The following IST1 variants were observed in gnomAD, a reference collection of about 807,000 sequenced individuals.
IST1 encodes IST1 factor associated with ESCRT-III.
Under a neutral mutation model 37.0 loss-of-function variants are expected in IST1, and 23 were observed. The ratio of observed to expected loss-of-function variants is 0.62; its 90% CI spans 0.45 to 0.88. IST1 has a LOEUF of 0.88. Among genes scored for constraint, IST1 ranks in the 40% least tolerant of loss-of-function variants. IST1 has a pLI of 0.00. For missense variants in IST1, 488 were observed against 445.4 expected (o/e 1.10, Z -0.86); for synonymous variants, 180 against 161.7 (o/e 1.11, Z -0.86).
Position 71,930,069 on chromosome 16 carries a change from CT to C in IST1, c.*2260del, listed in dbSNP as rs745568338. 4 of 1,549,284 alleles carry C rather than the reference CT, an allele frequency of 2.6e-6. No homozygotes were observed. The highest frequency in any genetic ancestry group is 3.5e-6 in the Non-Finnish European group (4 of 1,146,188). On this transcript the variant is annotated 3_prime_UTR_variant, in exon 10 of 10. Coordinates refer to ENST00000378799, the MANE Select transcript of IST1 (RefSeq NM_001270975.2). ...TTACCTACCTTAAGCGACTTTCTTT[CT>C]TTTCCAAAGGCCATGAGAATGGCCG...
chr16:71,930,651 GTATT>G lies in IST1; in HGVS notation c.*2840_*2843del, dbSNP rs1208033099. 6.6e-6 allele frequency: 1 copy of G among 152,090 alleles called. No individual in the cohort carries two copies. The highest frequency in any genetic ancestry group is 2.4e-5 in the African/African-American group (1 of 41,350). 9.4% of individuals were successfully genotyped at this position (152,090 alleles called of 1,614,324 possible). ...TTGGCCACAGAAAACTGGCTTTTTA[GTATT>G]TTTTTTTTTCCATTGTCATTTTTAA... On this transcript the variant is annotated 3_prime_UTR_variant, in exon 10 of 10. Transcript: ENST00000378799.
At position 71,917,044 on chromosome 16, in the gene IST1, T is replaced by A. The variant is rs781199400; in HGVS notation, c.270-3T>A. The A allele has an allele frequency of 9.4e-6, 15 of 1,589,046 alleles. No individual in the cohort carries two copies. Among genetic ancestry groups the A allele is most frequent in the Non-Finnish European group, 1.3e-5 (15 of 1,167,440 alleles). On this transcript the variant is annotated splice_region_variant and splice_polypyrimidine_tract_variant and intron_variant, in intron 3 of 9. Transcript: ENST00000378799. ...TGTTATATTAATTTTTTTCCTTGAT[T>A]AGGGAACTAGATTCTGGTCTGGCTG...
intron 1 of IST1, among the ~76,000 whole-genome samples, chr16:71,906,226 A>G (rs1382153397): frequency 6.6e-6 from 1 of 151,188 alleles, no homozygotes; most frequent in African/African-American, 2.4e-5. Flanking sequence ...GATGGTCTCA[A>G]TCTCCTGACC....
At chr16:71,918,707 T>C (rs989694384) in intron 4 of IST1, among the ~76,000 whole-genome samples, 3 of 152,158 alleles carry the variant, frequency 2.0e-5, no homozygotes, top group African/African-American at 4.8e-5. Flanking sequence ...TGAGCCACCA[T>C]GTTGAGCCGT....
At chr16:71,913,830 C>T (rs961356389) in intron 1 of IST1, among the ~76,000 whole-genome samples, 4 of 151,898 alleles carry the variant, frequency 2.6e-5, no homozygotes, top group South Asian at 2.1e-4. Context: ...TTTTTGGATA[C>T]GGAGTTTCAC....
chr16:71,900,917 G>T (rs2037093969), intron 1 of IST1, among the ~76,000 whole-genome samples: 1 of 152,172 alleles, frequency 6.6e-6, no homozygotes, highest in Admixed American at 6.5e-5. Context: ...GTGAATGACA[G>T]TAAAGATGTT....
intron 9 of IST1, among the ~76,000 whole-genome samples, chr16:71,927,313 A>T (rs1359741814): frequency 2.0e-5 from 3 of 151,726 alleles, no homozygotes; most frequent in African/African-American, 7.3e-5. Context: ...ACCTGGTGAA[A>T]CCCTCTCTCT....
At chr16:71,903,421 C>T (rs2037153349) in intron 1 of IST1, among the ~76,000 whole-genome samples, 3 of 151,874 alleles carry the variant, frequency 2.0e-5, no homozygotes, top group Admixed American at 1.3e-4. Flanking sequence ...GAAGCTTTCT[C>T]TTTGACCTCC....
intron 8 of IST1, chr16:71,924,002 G>GTGGCATTTGCTA: frequency 2.5e-6 from 1 of 400,648 alleles, no homozygotes; most frequent in Non-Finnish European, 5.0e-6. Context: ...ACAAATTGGT[G>GTGGCATTTGCTA]TGGCATTTGC....
At chr16:71,906,271 G>C (rs1309170860) in intron 1 of IST1, among the ~76,000 whole-genome samples, 1 of 151,774 alleles carries the variant, frequency 6.6e-6, no homozygotes, top group Non-Finnish European at 1.5e-5. Flanking sequence ...CCAAAGTGCT[G>C]GGATTAGAGG....
rs1177148172 is a variant in IST1, at chr16:71,930,090, T to C, written c.*2277T>C. 4.5e-6 allele frequency: 7 copies of C among 1,551,538 alleles called. No homozygotes were observed. The African/African-American group carries it at 6.8e-5, about 15-fold the overall frequency. ...CTTTCTTTTCCAAAGGCCATGAGAATGGCCGAAACGAAAAGATTAATTACC... is the reference window on the plus strand; with the variant it reads ...CTTTCTTTTCCAAAGGCCATGAGAACGGCCGAAACGAAAAGATTAATTACC... On this transcript the variant is annotated 3_prime_UTR_variant, in exon 10 of 10. Coordinates refer to ENST00000378799, the MANE Select transcript of IST1 (RefSeq NM_001270975.2).
chr16:71,922,484 C>T lies in IST1; in HGVS notation c.563C>T (p.Pro188Leu). 1.2e-6 allele frequency: 2 copies of T among 1,614,056 alleles called. No homozygotes were observed. The highest frequency in any genetic ancestry group is 1.1e-5 in the South Asian group (1 of 91,074). Residue 188 changes from proline (P) to leucine (L), a missense_variant, in exon 7 of 10, where the codon CCT (proline) becomes CTT (leucine). By Grantham distance (98) the Pro-to-Leu change is moderately conservative. This residue lies in a region of IST1 where 455 missense variants were observed against 386.2 expected (regional missense o/e 1.18). Transcript: ENST00000378799. ...CTCTTTTTTTCTCAGGCAGAAGCTC[C>T]TCCTGGGGTAGAGACAGATCTTATT... Reference protein sequence around the residue: ...EPDSVVMAEAPPGVETDLIDV... With the variant: ...EPDSVVMAEALPGVETDLIDV...
chr16:71,930,242 A>G lies in IST1; in HGVS notation c.*2429A>G, dbSNP rs1045630132. 5 of 1,465,482 alleles carry G rather than the reference A, an allele frequency of 3.4e-6. No homozygotes were observed. The highest frequency in any genetic ancestry group is 3.6e-6 in the Non-Finnish European group (4 of 1,099,646). 90.8% of individuals were successfully genotyped at this position (1,465,482 alleles called of 1,614,324 possible). On this transcript the variant is annotated 3_prime_UTR_variant, in exon 10 of 10. Coordinates refer to ENST00000378799, the MANE Select transcript of IST1 (RefSeq NM_001270975.2). ...ACAATTTAGTTTATACTTTACAAAC[A>G]TAAGCTATATGCTAGTGTTTGGGAT... is the stretch of plus-strand genomic sequence containing the variant.
At chr16:71,924,176 G>A (rs1321987693) in intron 8 of IST1, 4 of 455,824 alleles carry the variant, frequency 8.8e-6, no homozygotes, top group Admixed American at 2.4e-5. Flanking sequence ...GTAGGAATGA[G>A]GTCGAAAATC....
At chr16:71,924,646 C>A (rs933068849) in intron 8 of IST1, 123 bp from the exon 9 acceptor site, 2 of 752,076 alleles carry the variant, frequency 2.7e-6, no homozygotes, top group African/African-American at 3.5e-5. Context: ...GGGGCAGTTT[C>A]TTTGGAACAG....
intron 1 of IST1, among the ~76,000 whole-genome samples, chr16:71,908,104 A>G (rs1025133320): frequency 6.7e-6 from 1 of 148,250 alleles, no homozygotes; most frequent in Non-Finnish European, 1.5e-5. Flanking sequence ...CCACCACACC[A>G]AGCTAATTTT....
Position 71,930,212 on chromosome 16 carries a change from G to A in IST1, c.*2399G>A, listed in dbSNP as rs1368841173. The A allele has an allele frequency of 2.6e-6, 4 of 1,519,726 alleles. No homozygotes were observed. The highest frequency in any genetic ancestry group is 3.5e-6 in the Non-Finnish European group (4 of 1,132,010). The allele number at this position is 1,519,726 out of a possible 1,614,324, so 94.1% of individuals were successfully genotyped here. On this transcript the variant is annotated 3_prime_UTR_variant, in exon 10 of 10. Transcript: ENST00000378799. ...GGAAAACAATAAGAACACTTGCAGT[G>A]ACTGACAATTTAGTTTATACTTTAC...
At chr16:71,900,914 A>G (rs942674717) in intron 1 of IST1, among the ~76,000 whole-genome samples, 1 of 152,208 alleles carries the variant, frequency 6.6e-6, no homozygotes, top group South Asian at 2.1e-4. Context: ...TGAGTGAATG[A>G]CAGTAAAGAT....
intron 1 of IST1, among the ~76,000 whole-genome samples, chr16:71,897,971 G>C (rs1212754629): frequency 6.6e-6 from 1 of 152,214 alleles, no homozygotes; most frequent in East Asian, 1.9e-4. Flanking sequence ...TTATTACTGA[G>C]TGGAATATTA....
Sources: gnomAD v4.1 joint callset for allele counts (sites outside exome capture counted in the v4.1 genomes callset) on GRCh38, gnomAD v4.1.1 for gene constraint, gnomAD v4.1.1 regional missense constraint, MANE v1.5 for transcripts, NCBI Gene and HGNC (gene_info 2026-07-23, HGNC 2026-07-21) for gene names.